The following VPS53 variants were observed in gnomAD, a reference collection of about 807,000 sequenced individuals.
The protein encoded by VPS53 is vacuolar protein sorting-associated protein 53 homolog.
A neutral mutation model predicts 107.0 loss-of-function variants in VPS53; 70 were observed. The ratio of observed to expected loss-of-function variants is 0.65; its 90% CI spans 0.54 to 0.80. The LOEUF (loss-of-function observed/expected upper bound fraction) is 0.80. Among genes scored for constraint, VPS53 ranks in the 30% least tolerant of loss-of-function variants. The pLI is 0.00. For missense variants in VPS53, 917 were observed against 1,049.4 expected (o/e 0.87, Z 1.74); for synonymous variants, 409 against 393.3 (o/e 1.04, Z -0.47).
chr17:649,864 G>A (rs1166634001), intron 7 of VPS53, among the ~76,000 whole-genome samples: 1 of 152,216 alleles, frequency 6.6e-6, no homozygotes, highest in Non-Finnish European at 1.5e-5. Flanking sequence ...CATGAGAAAA[G>A]AATCAGCTAG....
intron 4 of VPS53, among the ~76,000 whole-genome samples, chr17:685,372 C>T (rs1276292777): frequency 1.3e-5 from 2 of 152,298 alleles, no homozygotes; most frequent in East Asian, 1.9e-4. Context: ...TCTTACTACA[C>T]GATGGTGCAA....
chr17:644,249 T>C (rs2143374586), intron 7 of VPS53, among the ~76,000 whole-genome samples: 1 of 152,356 alleles, frequency 6.6e-6, no homozygotes, highest in East Asian at 1.9e-4. Flanking sequence ...GAACTTCCTA[T>C]TTCAAATGTA....
chr17:625,044 T>C (rs1597396955), intron 10 of VPS53, among the ~76,000 whole-genome samples: 1 of 145,576 alleles, frequency 6.9e-6, no homozygotes, highest in Non-Finnish European at 1.5e-5. Context: ...AGGGCTGGAG[T>C]GCAATGGCAT....
At chr17:656,867 C>T (rs865933000) in intron 5 of VPS53, 11 of 1,588,164 alleles carry the variant, frequency 6.9e-6, no homozygotes, top group East Asian at 2.2e-5. Flanking sequence ...ACCCTTTCCT[C>T]GGGGAAGAGA....
At chr17:684,758 G>A (rs554444418) in intron 4 of VPS53, among the ~76,000 whole-genome samples, 6 of 152,062 alleles carry the variant, frequency 3.9e-5, no homozygotes, top group East Asian at 1.9e-4. Context: ...AGGCCGAGGC[G>A]AGTGAATCAC....
At chr17:565,403 CAAAAAAAAAAA>C (rs535932031) in intron 13 of VPS53, among the ~76,000 whole-genome samples, 3 of 82,536 alleles carry the variant, frequency 3.6e-5, no homozygotes, top group African/African-American at 1.4e-4. Context: ...AACCCCATCT[CAAAAAAAAAAA>C]AAAAAAAAAA....
intron 13 of VPS53, among the ~76,000 whole-genome samples, chr17:571,599 G>C (rs1203279174): frequency 6.6e-6 from 1 of 151,784 alleles, no homozygotes; most frequent in East Asian, 1.9e-4. Flanking sequence ...CCGAGCCGAA[G>C]CTGGACTGTG....
At chr17:575,854 C>A (rs911743940) in intron 13 of VPS53, among the ~76,000 whole-genome samples, 2 of 151,470 alleles carry the variant, frequency 1.3e-5, no homozygotes, top group Non-Finnish European at 2.9e-5. Flanking sequence ...GAACCTAATG[C>A]GTTCCCAGAG....
Position 512,668 on chromosome 17 carries a change from C to G in VPS53, c.*6460G>C, listed in dbSNP as rs1389909851. ...TGGAAACGAGGTAATGATCCTGGAG[C>G]CTAATGGAAGGGCCGCAGCCAGTTT... On this transcript the variant is annotated 3_prime_UTR_variant, in exon 22 of 22. Transcript: ENST00000437048. The G allele has an allele frequency of 6.6e-6, 1 of 152,168 alleles. No individual in the cohort carries two copies. The highest frequency in any genetic ancestry group is 1.5e-5 in the Non-Finnish European group (1 of 68,044). 9.4% of individuals were successfully genotyped at this position (152,168 alleles called of 1,614,324 possible). A position where few individuals can be genotyped will look rare whatever the true frequency, so the allele number is the denominator to read the frequency against.
intron 2 of VPS53, among the ~76,000 whole-genome samples, chr17:704,727 A>G (rs1973336035): frequency 6.6e-6 from 1 of 152,206 alleles, no homozygotes; most frequent in African/African-American, 2.4e-5. Flanking sequence ...ACAGAACTGA[A>G]TCTGTGGAAC....
intron 19 of VPS53, chr17:531,932 C>A (rs1421522957): frequency 6.6e-6 from 1 of 150,978 alleles, no homozygotes; most frequent in Non-Finnish European, 1.4e-5. Flanking sequence ...TGCACCACCA[C>A]GCCTGGCTAA....
intron 11 of VPS53, 28 bp downstream of exon 11, chr17:623,505 C>T (rs371591227): frequency 8.8e-6 from 14 of 1,592,732 alleles, no homozygotes; most frequent in African/African-American, 4.0e-5. Context: ...ACTGATTTCA[C>T]GTGGCAGCTC....
chr17:698,351 C>T (rs1208767950), intron 3 of VPS53, among the ~76,000 whole-genome samples: 2 of 150,632 alleles, frequency 1.3e-5, no homozygotes, highest in Non-Finnish European at 1.5e-5. Flanking sequence ...AAGAATTGCT[C>T]GAACCTGGGA....
chr17:551,282 C>G (rs901137671), intron 17 of VPS53, among the ~76,000 whole-genome samples: 1 of 151,980 alleles, frequency 6.6e-6, no homozygotes, highest in Non-Finnish European at 1.5e-5. Context: ...AATGATCCAT[C>G]TCAGCTGGGC....
chr17:613,743 T>C (rs1969006880), intron 11 of VPS53, among the ~76,000 whole-genome samples: 1 of 151,708 alleles, frequency 6.6e-6, no homozygotes, highest in Non-Finnish European at 1.5e-5. Context: ...TGTACAGATA[T>C]TCATAGCAGT....
intron 4 of VPS53, among the ~76,000 whole-genome samples, chr17:689,374 T>C (rs1157330576): frequency 6.6e-6 from 1 of 151,694 alleles, no homozygotes; most frequent in Non-Finnish European, 1.5e-5. Context: ...CATAGACTGC[T>C]GTAACCTCAA....
intron 8 of VPS53, among the ~76,000 whole-genome samples, 187 bp from the exon 9 acceptor site, chr17:628,418 C>T (rs779337195): frequency 8.5e-5 from 13 of 152,244 alleles, no homozygotes; most frequent in East Asian, 1.9e-4. Flanking sequence ...TCCTTACACT[C>T]GTTTTACAGC....
At chr17:595,370 G>C (rs1352325010) in intron 12 of VPS53, among the ~76,000 whole-genome samples, 4 of 33,654 alleles carry the variant, frequency 1.2e-4, no homozygotes, top group South Asian at 1.8e-3. Flanking sequence ...TCAATTTCCT[G>C]GTTTGATGAT....
At chr17:642,737 A>C (rs375843709) in intron 7 of VPS53, among the ~76,000 whole-genome samples, 8 of 144,686 alleles carry the variant, frequency 5.5e-5, no homozygotes, top group East Asian at 4.8e-4. Context: ...TCATACTTGG[A>C]AAGCGAGGAC....
Sources: allele counts gnomAD v4.1 joint callset (sites outside exome capture counted in the v4.1 genomes callset), GRCh38; gene constraint gnomAD v4.1.1; transcripts MANE v1.5; gene names NCBI Gene and HGNC (gene_info 2026-07-23, HGNC 2026-07-21).